The following PLK4 variants were observed in gnomAD, a reference collection of about 807,000 sequenced individuals.
PLK4 encodes serine/threonine-protein kinase PLK4.
A neutral mutation model predicts 103.0 loss-of-function variants in PLK4; 51 were observed. The ratio of observed to expected loss-of-function variants is 0.50; its 90% CI spans 0.40 to 0.63. PLK4 has a LOEUF of 0.63. Among genes scored for constraint, PLK4 ranks in the 20% least tolerant of loss-of-function variants. The pLI is 0.00. For missense variants in PLK4, 1,054 were observed against 1,151.0 expected (o/e 0.92, Z 1.22); for synonymous variants, 389 against 376.8 (o/e 1.03, Z -0.38).
Position 127,893,825 on chromosome 4 carries a change from A to G in PLK4, c.2506A>G (p.Arg836Gly), listed in dbSNP as rs1560700504. The change falls in exon 13 of 16, where the codon AGA (arginine) becomes GGA (glycine). Residue 836 changes from arginine to glycine, a missense_variant. Arg to Gly is a moderately radical substitution (Grantham distance 125, BLOSUM62 -2). Coordinates refer to ENST00000270861, the MANE Select transcript of PLK4 (RefSeq NM_014264.5). Reference protein sequence around the residue: ...YPTRERASFNRMVMHSAASPT... With the variant: ...YPTRERASFNGMVMHSAASPT... ...AACGAGAGAGAGAGCATCTTTCAAC[A>G]GAATGGTCATGCATAGTGCTGCTTC... The G allele has an allele frequency of 5.0e-6, 8 of 1,612,744 alleles. No homozygotes were observed. The South Asian group carries it at 5.5e-5, about 11-fold the overall frequency.
chr4:127,893,097 G>A, intron 10 of PLK4, 188 bp from the exon 11 acceptor site: 1 of 441,068 alleles, frequency 2.3e-6, no homozygotes, highest in Non-Finnish European at 4.0e-6. Flanking sequence ...CCAGATATAT[G>A]TTGGGAAAAA....
In PLK4 at chr4:127,883,336, G is replaced by A; in HGVS notation, c.201G>A (p.Leu67=). The A allele has an allele frequency of 1.3e-6, 2 of 1,594,084 alleles. No homozygotes were observed. Among genetic ancestry groups the A allele is most frequent in the Non-Finnish European group, 1.7e-6 (2 of 1,162,000 alleles). ...ATGAGGTGAAAATACATTGCCAATT[G>A]AAACATCCTTCTATCTTGGAGGTAA... The part of the protein sequence containing the change: ...VQNEVKIHCQ[L]KHPSILELYN... Residue 67 remains leucine, a synonymous_variant, in exon 3 of 16, where the codon TTG becomes TTA. Transcript: ENST00000270861.
chr4:127,894,313 A>G (rs999956172), intron 13 of PLK4, among the ~76,000 whole-genome samples: 12 of 151,366 alleles, frequency 7.9e-5, no homozygotes, highest in Middle Eastern at 3.4e-3. Context: ...TGCAAGCTCC[A>G]CCTCCTGGGT....
chr4:127,884,937 T>TA (rs374968396), intron 4 of PLK4, among the ~76,000 whole-genome samples: 323 of 146,382 alleles, frequency 2.2e-3, no homozygotes, highest in African/African-American at 7.5e-3. Context: ...AGACTCCATC[T>TA]AAAAAAAAAA....
intron 6 of PLK4, among the ~76,000 whole-genome samples, chr4:127,887,848 T>G (rs1735193180): frequency 1.6e-5 from 2 of 129,008 alleles, no homozygotes; most frequent in South Asian, 2.5e-4. Flanking sequence ...CTCCAGCCTG[T>G]GTGACAGAGA....
chr4:127,898,434 CT>C lies in PLK4; in HGVS notation c.2811-3del. ...TTTTGTCTTTTTTTCTTTTGCTTCACTTAGGTATGGAGAAAATGAAAAATTA... is the reference window on the plus strand; with the variant it reads ...TTTTGTCTTTTTTTCTTTTGCTTCACTAGGTATGGAGAAAATGAAAAATTA... On this transcript the variant is annotated splice_region_variant and splice_polypyrimidine_tract_variant and intron_variant, in intron 15 of 15. Transcript: ENST00000270861. The C allele has an allele frequency of 7.5e-7, 1 of 1,336,004 alleles. No individual in the cohort carries two copies. Among genetic ancestry groups the C allele is most frequent in the Non-Finnish European group, 1.1e-6 (1 of 938,220 alleles). The allele number at this position is 1,336,004 out of a possible 1,614,324, so 82.8% of individuals were successfully genotyped here.
chr4:127,891,661 A>T lies in PLK4; in HGVS notation c.2018A>T (p.Tyr673Phe). 1 of 1,468,386 alleles carries T rather than the reference A, an allele frequency of 6.8e-7. No homozygotes were observed. The highest frequency in any genetic ancestry group is 9.2e-7 in the Non-Finnish European group (1 of 1,086,884). The allele number at this position is 1,468,386 out of a possible 1,614,324, so 91.0% of individuals were successfully genotyped here. The change falls in exon 9 of 16, where the codon TAC becomes TTC. Residue 673 changes from tyrosine (Y) to phenylalanine (F), a missense_variant. Around this residue, in one of 4 missense-constraint regions of PLK4, gnomAD observed 680 missense variants for 660.3 expected, o/e 1.03. Coordinates refer to ENST00000270861, the MANE Select transcript of PLK4 (RefSeq NM_014264.5). ...TCACCTACTGACAACATCAGTAGGT[A>T]CAGCTTTGACAATTTACCAGGTATG... ...PPSPTDNISR[Y>F]SFDNLPEKYW...
intron 6 of PLK4, among the ~76,000 whole-genome samples, chr4:127,888,823 A>G (rs1266038439): frequency 1.3e-5 from 2 of 152,106 alleles, no homozygotes; most frequent in Admixed American, 1.3e-4. Flanking sequence ...AGCAAATAAC[A>G]CAGCTGTAAT....
At position 127,891,179 on chromosome 4, in the gene PLK4, T is replaced by C. The variant is rs1735343759; in HGVS notation, c.1918T>C (p.Ser640Pro). 6.5e-7 allele frequency: 1 copy of C among 1,545,756 alleles called. No homozygotes were observed. Among genetic ancestry groups the C allele is most frequent in the Non-Finnish European group, 8.9e-7 (1 of 1,122,238 alleles). ...QEYVKEVLQISSDGNTITIYY... is the reference protein window; with the variant it reads ...QEYVKEVLQIPSDGNTITIYY... ...ATATGTGAAAGAAGTTCTTCAGATA[T>C]CTAGTGATGGAAATACGGTAATGTG... Residue 640 changes from serine to proline, a missense_variant, in exon 8 of 16, where the codon TCT becomes CCT. Around this residue, in one of 4 missense-constraint regions of PLK4, gnomAD observed 680 missense variants for 660.3 expected, o/e 1.03. Coordinates refer to ENST00000270861, the MANE Select transcript of PLK4 (RefSeq NM_014264.5).
Position 127,891,073 on chromosome 4 carries a change from G to GT in PLK4, c.1831-19_1831-18insT. 1.7e-6 allele frequency: 2 copies of GT among 1,190,348 alleles called. No individual in the cohort carries two copies. Among genetic ancestry groups the GT allele is most frequent in the South Asian group, 1.4e-5 (1 of 71,868 alleles). The allele number at this position is 1,190,348 out of a possible 1,614,324, so 73.7% of individuals were successfully genotyped here. On this transcript the variant is annotated intron_variant, in intron 7 of 15. Coordinates refer to ENST00000270861, the MANE Select transcript of PLK4 (RefSeq NM_014264.5). ...AAACAAAAGAATTATTACTGATTTT[G>GT]GGTTTTTTTTTTTTTTAGGTGAGCA...
chr4:127,882,683 G>A (rs548666137), intron 2 of PLK4, among the ~76,000 whole-genome samples: 30 of 152,210 alleles, frequency 2.0e-4, no homozygotes, highest in African/African-American at 6.3e-4. Flanking sequence ...GCTTGAACCC[G>A]GGAGGCAGAG....
In PLK4 at chr4:127,880,969, A is replaced by T; in HGVS notation, c.-166A>T. On this transcript the variant is annotated 5_prime_UTR_variant, in exon 1 of 16. Transcript: ENST00000270861. ...CCCAGAGGCACCGCCCAGGCCTCGGAAGGTGTCAGGGAGAACTTTCCGTGG... is the reference window on the plus strand; with the variant it reads ...CCCAGAGGCACCGCCCAGGCCTCGGTAGGTGTCAGGGAGAACTTTCCGTGG... 4 of 691,914 alleles carry T rather than the reference A, an allele frequency of 5.8e-6. No homozygotes were observed. The South Asian group carries it at 7.3e-5, about 13-fold the overall frequency. The allele number at this position is 691,914 out of a possible 1,614,324, so 42.9% of individuals were successfully genotyped here.
intron 2 of PLK4, among the ~76,000 whole-genome samples, chr4:127,882,902 A>G (rs1734982059): frequency 6.6e-6 from 1 of 152,150 alleles, no homozygotes; most frequent in Admixed American, 6.5e-5. Context: ...CCTAGGTGAC[A>G]GTGAGACCCT....
chr4:127,881,582 T>G (rs1041971422), intron 1 of PLK4, among the ~76,000 whole-genome samples: 1 of 152,108 alleles, frequency 6.6e-6, no homozygotes, highest in Non-Finnish European at 1.5e-5. Context: ...TAGGCTGCAC[T>G]GAGGTTGAGG....
rs753429702 is a variant in PLK4 at position 127,892,350 on chromosome 4, AT to A, written c.2039-7del. 4.2e-5 allele frequency: 64 copies of A among 1,523,798 alleles called. No individual in the cohort carries two copies. Among genetic ancestry groups the A allele is most frequent in the Middle Eastern group, 1.9e-4 (1 of 5,158 alleles). 94.4% of individuals were successfully genotyped at this position (1,523,798 alleles called of 1,614,324 possible). A position where few individuals can be genotyped will look rare whatever the true frequency, so the allele number is the denominator to read the frequency against. On this transcript the variant is annotated splice_polypyrimidine_tract_variant and intron_variant, in intron 9 of 15. Coordinates refer to ENST00000270861, the MANE Select transcript of PLK4 (RefSeq NM_014264.5). ...AACACTTTCTTCCCTAATGTTAAGT[AT>A]TTTTTTTCCTTAGAAAAATACTGGC...
At chr4:127,884,486 G>GT (rs1418271912) in intron 4 of PLK4, among the ~76,000 whole-genome samples, 2 of 152,182 alleles carry the variant, frequency 1.3e-5, no homozygotes, top group African/African-American at 2.4e-5. Context: ...GACTACTGCA[G>GT]TTTTTTATAA....
chr4:127,886,507 TGATA>T lies in PLK4; in HGVS notation c.1141_1144del (p.Arg381LeufsTer104). The T allele has an allele frequency of 1.2e-6, 2 of 1,613,892 alleles. No individual in the cohort carries two copies. The highest frequency in any genetic ancestry group is 1.7e-6 in the Non-Finnish European group (2 of 1,179,758). ...GATACCTTCGTAGAGCTTATTCCTC[TGATA>T]GATCTGGCACTTCTAATAGTCAGTC... is the stretch of plus-strand genomic sequence containing the variant. On this transcript the variant is annotated frameshift_variant, in exon 5 of 16. Transcript: ENST00000270861. LOFTEE classifies it high-confidence loss of function.
chr4:127,893,282 T>C lies in PLK4; in HGVS notation c.2189-3T>C. 6.5e-7 allele frequency: 1 copy of C among 1,529,292 alleles called. No individual in the cohort carries two copies. The highest frequency in any genetic ancestry group is 1.2e-5 in the South Asian group (1 of 81,892). 94.7% of individuals were successfully genotyped at this position (1,529,292 alleles called of 1,614,324 possible). A position where few individuals can be genotyped will look rare whatever the true frequency, so the allele number is the denominator to read the frequency against. Reference sequence around the variant, plus strand: ...GAACAGTTTTCTGATTTTTTTTTTTTAGGGGTAAAAATACACAAAACAGAA... The same window carrying C: ...GAACAGTTTTCTGATTTTTTTTTTTCAGGGGTAAAAATACACAAAACAGAA... On this transcript the variant is annotated splice_region_variant and splice_polypyrimidine_tract_variant and intron_variant, in intron 10 of 15. Coordinates refer to ENST00000270861, the MANE Select transcript of PLK4 (RefSeq NM_014264.5).
chr4:127,887,813 C>T (rs111541346), intron 6 of PLK4, among the ~76,000 whole-genome samples: 39 of 146,102 alleles, frequency 2.7e-4, no homozygotes, highest in African/African-American at 9.1e-4. Flanking sequence ...AGTTCAAGGC[C>T]GCAGTGAGCT....
Sources: allele counts gnomAD v4.1 joint callset (sites outside exome capture counted in the v4.1 genomes callset), GRCh38; gene constraint gnomAD v4.1.1; regional missense constraint gnomAD v4.1.1; transcripts MANE v1.5; gene names NCBI Gene and HGNC (gene_info 2026-07-23, HGNC 2026-07-21).